CSMD1: variants seen among roughly 807,000 people sequenced by gnomAD.
The protein encoded by CSMD1 is CUB and Sushi multiple domains 1, also known as CUB and sushi domain-containing protein 1.
Under a neutral mutation model 417.5 loss-of-function variants are expected in CSMD1, and 213 were observed. The observed-to-expected ratio is 0.51, with a 90% CI of 0.46 to 0.57. The LOEUF (loss-of-function observed/expected upper bound fraction) is 0.57. Ranked by LOEUF, CSMD1 falls within the 20% of genes least tolerant of loss-of-function variation. CSMD1 has a pLI of 0.00. For synonymous variants in CSMD1, 2,862 were observed against 1,736.8 expected, an observed-to-expected ratio of 1.65 and a Z score of -16.11; for missense variants, 6,923 against 4,529.7, an observed-to-expected ratio of 1.53 and a Z score of -15.17.
intron 6 of CSMD1, among the ~76,000 whole-genome samples, chr8:3,709,521 T>C (rs979741845): frequency 4.0e-5 from 6 of 151,816 alleles, no homozygotes; most frequent in African/African-American, 9.7e-5. Flanking sequence ...ATGGATGATA[T>C]TAACATTTGA....
At chr8:4,101,639 T>A (rs1294334770) in intron 3 of CSMD1, among the ~76,000 whole-genome samples, 11 of 152,190 alleles carry the variant, frequency 7.2e-5, no homozygotes, top group Admixed American at 7.2e-4. Context: ...CTTGGCTCAT[T>A]TTAAAAGTCT....
rs1384599443 is a variant in CSMD1 at position 3,607,716 on chromosome 8, A to T, written c.1097+8994T>A. Among the ~76,000 whole-genome samples the T allele has an allele frequency of 3.3e-5, 5 of 152,232 alleles. No individual in the cohort carries two copies. In the South Asian group the frequency reaches 8.3e-4, roughly 25 times the overall value. ...AAAAGAACAAAAAATTTTACGGAGA[A>T]CTATTCCATATCAGTCGGTTTTGCC... is the stretch of plus-strand genomic sequence containing the variant. On this transcript the variant is annotated intron_variant, in intron 8 of 69. Transcript: ENST00000635120.
intron 18 of CSMD1, among the ~76,000 whole-genome samples, chr8:3,380,088 A>G (rs1810540221): frequency 6.6e-6 from 1 of 152,230 alleles, no homozygotes; most frequent in Admixed American, 6.5e-5. Context: ...GGATATGAAC[A>G]GACACTTCTC....
At position 3,091,600 on chromosome 8, in the gene CSMD1, A is replaced by G; in HGVS notation, c.7201T>C (p.Phe2401Leu). The G allele has an allele frequency of 1.2e-6, 2 of 1,611,646 alleles. No individual in the cohort carries two copies. Among genetic ancestry groups the G allele is most frequent in the Non-Finnish European group, 1.7e-6 (2 of 1,179,442 alleles). The change falls in exon 48 of 70, where the codon TTT (phenylalanine) becomes CTT (leucine). Residue 2401 changes from phenylalanine (F) to leucine (L), a missense_variant. Transcript: ENST00000635120. ...TATAACTGATTACTCCTGCTTGTAAAATTTGATTGTTCAGTATGATTCCCA... is the reference window on the plus strand; with the variant it reads ...TATAACTGATTACTCCTGCTTGTAAGATTTGATTGTTCAGTATGATTCCCA... ...LSGNHTEQSNFTSRSNQLYLR... is the reference protein window; with the variant it reads ...LSGNHTEQSNLTSRSNQLYLR...
chr8:4,202,081 T>G (rs1469951991), intron 3 of CSMD1, among the ~76,000 whole-genome samples: 1 of 123,024 alleles, frequency 8.1e-6, no homozygotes, highest in African/African-American at 2.8e-5. Flanking sequence ...CCTCTCAGTT[T>G]AAGAGTAAAT....
At chr8:3,347,760 G>C (rs926238805) in intron 22 of CSMD1, among the ~76,000 whole-genome samples, 8 of 152,188 alleles carry the variant, frequency 5.3e-5, no homozygotes, top group Non-Finnish European at 1.2e-4. Context: ...GTGCTGGACT[G>C]ATAAATGTTA....
intron 1 of CSMD1, among the ~76,000 whole-genome samples, chr8:4,904,912 C>T (rs1805137835): frequency 6.6e-6 from 1 of 152,172 alleles, no homozygotes; most frequent in South Asian, 2.1e-4. Context: ...CCTGCAAGCA[C>T]TTCTGTAGAA....
intron 12 of CSMD1, among the ~76,000 whole-genome samples, chr8:3,426,599 T>C (rs1585147915): frequency 1.3e-5 from 2 of 152,218 alleles, no homozygotes; most frequent in African/African-American, 4.8e-5. Context: ...TTTTTATTTA[T>C]GTTTTTATTT....
chr8:4,943,063 G>T (rs764839564), intron 1 of CSMD1, among the ~76,000 whole-genome samples: 3 of 152,120 alleles, frequency 2.0e-5, no homozygotes, highest in Non-Finnish European at 4.4e-5. Flanking sequence ...AGACATGAAA[G>T]TAATTGTTCA....
chr8:3,254,765 C>T (rs974427572), intron 26 of CSMD1, among the ~76,000 whole-genome samples: 5 of 152,086 alleles, frequency 3.3e-5, no homozygotes, highest in Non-Finnish European at 7.3e-5. Context: ...TCTAGTTAGC[C>T]ATTCATGTAA....
intron 2 of CSMD1, among the ~76,000 whole-genome samples, chr8:4,446,006 CCTGA>C (rs1056441198): frequency 2.0e-5 from 3 of 152,088 alleles, no homozygotes; most frequent in African/African-American, 4.8e-5. Flanking sequence ...CTGGCAGCAC[CCTGA>C]CTCTGTGCCA....
rs1207138233 is a variant in CSMD1, at chr8:4,798,018, A to AT, written c.86-160461dup. Among the ~76,000 whole-genome samples, 3 of 152,172 alleles carry AT rather than the reference A, an allele frequency of 2.0e-5. No homozygotes were observed. The East Asian group carries it at 5.8e-4, about 29-fold the overall frequency. On this transcript the variant is annotated intron_variant, in intron 1 of 69. Transcript: ENST00000635120. ...CCAGCCAAAATCTCGAAGCATTTTT[A>AT]TTTTTTTATTATACTTTAAGTTCTA...
intron 5 of CSMD1, among the ~76,000 whole-genome samples, chr8:3,982,028 T>G (rs1972150): frequency 0.79 from 119,239 of 151,684 alleles, 47,002 homozygotes; most frequent in East Asian, 0.89. Context: ...AAAATTAGCC[T>G]GGCGCGGTGA....
At chr8:4,340,720 G>A (rs755566920) in intron 3 of CSMD1, among the ~76,000 whole-genome samples, 7 of 152,032 alleles carry the variant, frequency 4.6e-5, no homozygotes, top group African/African-American at 7.2e-5. Context: ...ATATCAGCAC[G>A]TGGAACAAAC....
chr8:4,963,175 T>C lies in CSMD1; in HGVS notation c.85+31157A>G, dbSNP rs539674901. Among the ~76,000 whole-genome samples the C allele has an allele frequency of 6.0e-4, 92 of 152,230 alleles. 1 individual carries two copies. Among genetic ancestry groups the C allele is most frequent in the African/African-American group, 2.1e-3 (89 of 41,534 alleles). On this transcript the variant is annotated intron_variant, in intron 1 of 69. Transcript: ENST00000635120. ...TCTGTAAGCTTTGGTAAATCAGCTG[T>C]AATCCCTTCATTCACTTTATTTATT... is the stretch of plus-strand genomic sequence containing the variant.
At chr8:4,476,531 T>C (rs1202789325) in intron 2 of CSMD1, among the ~76,000 whole-genome samples, 1 of 152,232 alleles carries the variant, frequency 6.6e-6, no homozygotes, top group Non-Finnish European at 1.5e-5. Context: ...TTCTAAAATA[T>C]GTATTTATAA....
rs139341342 is a variant in CSMD1 at position 3,514,337 on chromosome 8, C to G, written c.1345-20611G>C. Among the ~76,000 whole-genome samples the G allele has an allele frequency of 3.4e-4, 52 of 152,296 alleles. No individual in the cohort carries two copies. The East Asian group carries it at 9.1e-3, about 27-fold the overall frequency. Reference sequence around the variant, plus strand: ...AGATATTTTTGGCTAGGTGGCTGATCTCCCTGGTGATGTTGTAAGTCTTCA... The same window carrying G: ...AGATATTTTTGGCTAGGTGGCTGATGTCCCTGGTGATGTTGTAAGTCTTCA... On this transcript the variant is annotated intron_variant, in intron 10 of 69. Transcript: ENST00000635120.
At chr8:4,954,025 CACCT>C (rs1808916298) in intron 1 of CSMD1, among the ~76,000 whole-genome samples, 1 of 152,094 alleles carries the variant, frequency 6.6e-6, no homozygotes, top group Admixed American at 6.6e-5. Context: ...CCTTCCCACC[CACCT>C]GTTAAAAAGA....
intron 3 of CSMD1, among the ~76,000 whole-genome samples, chr8:4,199,369 A>G (rs1042512894): frequency 2.6e-5 from 4 of 152,154 alleles, no homozygotes; most frequent in African/African-American, 9.7e-5. Context: ...ATGCTTTAAT[A>G]AAGATGCATA....
Sources: allele counts gnomAD v4.1 joint callset (sites outside exome capture counted in the v4.1 genomes callset), GRCh38; gene constraint gnomAD v4.1.1; transcripts MANE v1.5; gene names NCBI Gene and HGNC (gene_info 2026-07-23, HGNC 2026-07-21).